FAM177B: variants seen among roughly 807,000 people sequenced by gnomAD.
FAM177B encodes the protein family with sequence similarity 177 member B.
In FAM177B, 16 loss-of-function variants were observed where a neutral mutation model predicts 16.1. That is an observed-to-expected ratio of 0.99 (90% CI 0.67 to 1.51). FAM177B has a LOEUF of 1.51. Ranked by LOEUF, FAM177B falls within the 40% of genes most tolerant of loss-of-function variation. The probability of loss-of-function intolerance (pLI) is 0.00; values close to 1 mark genes in which losing one functional copy is unlikely to be tolerated. For missense variants in FAM177B, 178 were observed against 183.7 expected, an observed-to-expected ratio of 0.97 and a Z score of 0.18; for synonymous variants, 56 against 59.9, an observed-to-expected ratio of 0.93 and a Z score of 0.30.
chr1:222,746,616 G>A lies in FAM177B; in HGVS notation c.71G>A (p.Arg24Lys). The A allele has an allele frequency of 6.2e-7, 1 of 1,612,168 alleles. No individual in the cohort carries two copies. The highest frequency in any genetic ancestry group is 2.2e-5 in the East Asian group (1 of 44,860). The change falls in exon 3 of 6, where the codon AGG (arginine) becomes AAG (lysine). Residue 24 changes from arginine (R) to lysine (K), a missense_variant. Physicochemically the swap from Arg to Lys is conservative, Grantham distance 26. Transcript: ENST00000445590. ...SVPSKKTTPK[R>K]IIHFVDGDIM... ...CCTTCCAAAAAGACTACTCCTAAAA[G>A]GATTATCCATTTTGTTGACGGAGAC...
At chr1:222,746,897 C>T in intron 3 of FAM177B, 118 bp from the exon 4 acceptor site, 1 of 928,952 alleles carries the variant, frequency 1.1e-6, no homozygotes, top group Non-Finnish European at 1.7e-6. Flanking sequence ...GTCTCTTCAT[C>T]TGTGAGAGAG....
chr1:222,741,708 C>T (rs1572004634), intron 2 of FAM177B, among the ~76,000 whole-genome samples: 1 of 150,532 alleles, frequency 6.6e-6, no homozygotes, highest in African/African-American at 2.4e-5. Flanking sequence ...CTCTCTTTTC[C>T]TTCCTTCCTT....
intron 2 of FAM177B, among the ~76,000 whole-genome samples, chr1:222,740,854 T>C (rs1658489868): frequency 6.6e-6 from 1 of 150,972 alleles, no homozygotes; most frequent in Non-Finnish European, 1.5e-5. Flanking sequence ...CGCCCACCAC[T>C]ATGCCCAGCT....
At chr1:222,741,287 C>A (rs1458078710) in intron 2 of FAM177B, among the ~76,000 whole-genome samples, 1 of 151,784 alleles carries the variant, frequency 6.6e-6, no homozygotes, top group Non-Finnish European at 1.5e-5. Context: ...TGATATTGAA[C>A]TCCTGGCCTC....
chr1:222,749,883 T>A, intron 5 of FAM177B, 38 bp from the exon 6 acceptor site: 1 of 1,610,848 alleles, frequency 6.2e-7, no homozygotes, highest in Non-Finnish European at 8.5e-7. Context: ...GGTCTTTGTT[T>A]GTACAGTTAA....
chr1:222,749,156 T>C, intron 4 of FAM177B: 1 of 448,226 alleles, frequency 2.2e-6, no homozygotes, highest in Non-Finnish European at 4.5e-6. Context: ...ACAATACCTG[T>C]TCTGATTGCT....
In FAM177B at chr1:222,746,617, G is replaced by A. The variant is rs1370468319; in HGVS notation, c.72G>A (p.Arg24=). Residue 24 remains arginine, a synonymous_variant, in exon 3 of 6, where the codon AGG becomes AGA. Coordinates refer to ENST00000445590, the MANE Select transcript of FAM177B (RefSeq NM_001394345.1). The part of the protein sequence containing the change: ...SVPSKKTTPK[R]IIHFVDGDIM... ...CTTCCAAAAAGACTACTCCTAAAAG[G>A]ATTATCCATTTTGTTGACGGAGACA... 6 of 1,612,124 alleles carry A rather than the reference G, an allele frequency of 3.7e-6. No individual in the cohort carries two copies. The highest frequency in any genetic ancestry group is 4.2e-6 in the Non-Finnish European group (5 of 1,178,306).
chr1:222,741,340 A>G (rs1658523740), intron 2 of FAM177B, among the ~76,000 whole-genome samples: 1 of 152,060 alleles, frequency 6.6e-6, no homozygotes, highest in African/African-American at 2.4e-5. Context: ...CTGGGATTAT[A>G]GGCATGAGCC....
Position 222,746,581 on chromosome 1 carries a change from G to A in FAM177B, c.36G>A (p.Glu12=). 1.2e-6 allele frequency: 2 copies of A among 1,610,010 alleles called. No homozygotes were observed. The highest frequency in any genetic ancestry group is 1.7e-6 in the Non-Finnish European group (2 of 1,176,898). Residue 12 remains glutamate, a synonymous_variant, in exon 3 of 6, where the codon GAG becomes GAA. Transcript: ENST00000445590. The stretch of plus-strand genomic sequence containing the variant: ...ACGGTTTCCAGCAGTTAGACCTAGA[G>A]AAGAGTGTACCTTCCAAAAAGACTA... ...EIDGFQQLDL[E]KSVPSKKTTP...
At chr1:222,741,530 T>A (rs921815793) in intron 2 of FAM177B, among the ~76,000 whole-genome samples, 1 of 148,356 alleles carries the variant, frequency 6.7e-6, no homozygotes, top group Non-Finnish European at 1.5e-5. Context: ...TATTGAATTC[T>A]CTATTTTTTT....
chr1:222,747,132 G>C (rs756108106), intron 4 of FAM177B, 51 bp downstream of exon 4: 1 of 1,224,338 alleles, frequency 8.2e-7, no homozygotes, highest in African/African-American at 1.5e-5. Context: ...TATATATATC[G>C]ATAGGCCCTC....
intron 2 of FAM177B, chr1:222,739,970 G>C (rs920143519): frequency 1.1e-4 from 17 of 152,068 alleles, no homozygotes; most frequent in African/African-American, 3.6e-4. Context: ...AATTAAAATG[G>C]GTATTTTTTG....
intron 4 of FAM177B, among the ~76,000 whole-genome samples, chr1:222,747,948 G>A (rs143092671): frequency 6.6e-6 from 1 of 152,238 alleles, no homozygotes; most frequent in East Asian, 1.9e-4. Context: ...AGTGTATAGG[G>A]GCTCTGACCT....
rs1384520240 is a variant in FAM177B, at chr1:222,737,937, G to T, written c.-100G>T. On this transcript the variant is annotated 5_prime_UTR_variant, in exon 2 of 6. Transcript: ENST00000445590. The stretch of plus-strand genomic sequence containing the variant: ...TGAGGTGTGATTAAAGAAGAACCAA[G>T]AATGACTTTAGTGTTGTTGGCCTGA... 1 of 152,166 alleles carries T rather than the reference G, an allele frequency of 6.6e-6. No homozygotes were observed. Among genetic ancestry groups the T allele is most frequent in the East Asian group, 1.9e-4 (1 of 5,186 alleles). The allele number at this position is 152,166 out of a possible 1,614,324, so 9.4% of individuals were successfully genotyped here. A position where few individuals can be genotyped will look rare whatever the true frequency, so the allele number is the denominator to read the frequency against.
At chr1:222,746,067 G>A (rs1222297564) in intron 2 of FAM177B, among the ~76,000 whole-genome samples, 5 of 152,094 alleles carry the variant, frequency 3.3e-5, no homozygotes, top group Non-Finnish European at 7.4e-5. Flanking sequence ...TATTTTAATT[G>A]AGTTATTTGC....
At chr1:222,747,206 G>A in intron 4 of FAM177B, 125 bp downstream of exon 4, 1 of 682,310 alleles carries the variant, frequency 1.5e-6, no homozygotes, top group Non-Finnish European at 2.6e-6. Flanking sequence ...TGAGATCTGG[G>A]CTAAGCTTTC....
At chr1:222,747,238 C>A in intron 4 of FAM177B, 157 bp downstream of exon 4, 1 of 603,226 alleles carries the variant, frequency 1.7e-6, no homozygotes. Flanking sequence ...CACAGAACTT[C>A]GCATCCTCAG....
rs1008345602 is a variant in FAM177B at position 222,747,260 on chromosome 1, A to G, written c.241+179A>G. On this transcript the variant is annotated intron_variant, in intron 4 of 5. Transcript: ENST00000445590. ...CTTCGCATCCTCAGGCAGACCCTTCATCTTTTACCAACTCTCATCAGGAAA... is the reference window on the plus strand; with the variant it reads ...CTTCGCATCCTCAGGCAGACCCTTCGTCTTTTACCAACTCTCATCAGGAAA... The G allele has an allele frequency of 1.3e-5, 7 of 554,088 alleles. No individual in the cohort carries two copies. In the Admixed American group the frequency reaches 2.3e-4, roughly 18 times the overall value. 34.3% of individuals were successfully genotyped at this position (554,088 alleles called of 1,614,324 possible). A position where few individuals can be genotyped will look rare whatever the true frequency, so the allele number is the denominator to read the frequency against.
At chr1:222,749,417 G>A in intron 4 of FAM177B, 48 bp from the exon 5 acceptor site, 1 of 1,097,092 alleles carries the variant, frequency 9.1e-7, no homozygotes. Context: ...CTGATGCGAA[G>A]CTTTAGTTAG....
Sources: allele counts gnomAD v4.1 joint callset (sites outside exome capture counted in the v4.1 genomes callset), GRCh38; gene constraint gnomAD v4.1.1; transcripts MANE v1.5; gene names NCBI Gene and HGNC (gene_info 2026-07-23, HGNC 2026-07-21).